Variants in B3GLCT observed in about 807,000 individuals in gnomAD.
The protein encoded by B3GLCT is beta 3-glucosyltransferase.
In B3GLCT, 65 loss-of-function variants were observed where a neutral mutation model predicts 63.4. The ratio of observed to expected loss-of-function variants is 1.03; its 90% CI spans 0.84 to 1.26. B3GLCT has a LOEUF of 1.26. Ranked by LOEUF, B3GLCT falls within the 50% of genes most tolerant of loss-of-function variation. The pLI is 0.00. For synonymous variants in B3GLCT, 233 were observed against 219.2 expected (o/e 1.06, Z -0.55); for missense variants, 577 against 604.8 (o/e 0.95, Z 0.48).
At chr13:31,214,006 A>G (rs2137744553) in intron 1 of B3GLCT, among the ~76,000 whole-genome samples, 1 of 150,114 alleles carries the variant, frequency 6.7e-6, no homozygotes, top group South Asian at 2.1e-4. Context: ...ATGTTAATGC[A>G]GGATTTGAGG....
At chr13:31,218,930 CTTT>C (rs34965262) in intron 2 of B3GLCT, among the ~76,000 whole-genome samples, 2 of 144,274 alleles carry the variant, frequency 1.4e-5, no homozygotes, top group African/African-American at 2.6e-5. Flanking sequence ...ATCAGAAGCC[CTTT>C]TTTTTTTTTT....
intron 4 of B3GLCT, among the ~76,000 whole-genome samples, chr13:31,244,514 G>A (rs1009902514): frequency 3.3e-5 from 5 of 151,996 alleles, no homozygotes; most frequent in African/African-American, 1.2e-4. Flanking sequence ...ATAAAAACTT[G>A]CTTTGAATCT....
intron 4 of B3GLCT, among the ~76,000 whole-genome samples, chr13:31,240,701 A>G (rs1368953096): frequency 1.3e-5 from 2 of 152,144 alleles, no homozygotes; most frequent in Non-Finnish European, 2.9e-5. Flanking sequence ...TTGATGCTGT[A>G]TATCATTAAA....
intron 12 of B3GLCT, among the ~76,000 whole-genome samples, chr13:31,290,050 A>G (rs774494540): frequency 1.3e-5 from 2 of 151,988 alleles, no homozygotes; most frequent in African/African-American, 2.4e-5. Flanking sequence ...CTGGTGTGTG[A>G]TGTTCCCCTC....
intron 6 of B3GLCT, among the ~76,000 whole-genome samples, chr13:31,258,639 A>G (rs1566066910): frequency 6.6e-6 from 1 of 152,036 alleles, no homozygotes; most frequent in Non-Finnish European, 1.5e-5. Flanking sequence ...TCAACTGTAT[A>G]TCTTGTTTCT....
chr13:31,287,377 A>G (rs1288554024), intron 12 of B3GLCT, among the ~76,000 whole-genome samples: 1 of 152,198 alleles, frequency 6.6e-6, no homozygotes, highest in Non-Finnish European at 1.5e-5. Flanking sequence ...CCTGGGCTGG[A>G]AAACCCCTGT....
intron 1 of B3GLCT, among the ~76,000 whole-genome samples, chr13:31,210,869 C>T (rs1160142028): frequency 1.3e-5 from 2 of 152,060 alleles, no homozygotes; most frequent in African/African-American, 4.8e-5. Context: ...CTCAGCCTCC[C>T]AAGTAGCTGG....
At chr13:31,237,848 A>G (rs1870736152) in intron 4 of B3GLCT, among the ~76,000 whole-genome samples, 1 of 152,082 alleles carries the variant, frequency 6.6e-6, no homozygotes, top group Admixed American at 6.5e-5. Flanking sequence ...CCTGTAAGGG[A>G]CGGGATGTCT....
At chr13:31,256,326 G>A (rs776269423) in intron 6 of B3GLCT, among the ~76,000 whole-genome samples, 2 of 152,186 alleles carry the variant, frequency 1.3e-5, no homozygotes, top group East Asian at 1.9e-4. Context: ...TTACACTGTT[G>A]GTGGGAGTGT....
chr13:31,283,604 T>TA lies in B3GLCT; in HGVS notation c.851-1035dup, dbSNP rs1555252633. 4.2e-3 allele frequency among the ~76,000 whole-genome samples: 635 copies of TA among 150,688 alleles called. 2 individuals carry two copies. The highest frequency in any genetic ancestry group is 0.012 in the African/African-American group (480 of 41,202). ...GCAGATGTGCAGAACTCAGTTTTTT[T>TA]AAAAAAAAAGCCAGTGAAAGAGATT... On this transcript the variant is annotated intron_variant, in intron 10 of 14. Transcript: ENST00000343307.
chr13:31,278,919 C>A (rs1477259577), intron 10 of B3GLCT, among the ~76,000 whole-genome samples: 1 of 152,172 alleles, frequency 6.6e-6, no homozygotes, highest in Non-Finnish European at 1.5e-5. Flanking sequence ...TGGAATGATA[C>A]ACAACTGGCT....
At chr13:31,282,669 A>G (rs1873134380) in intron 10 of B3GLCT, among the ~76,000 whole-genome samples, 1 of 146,200 alleles carries the variant, frequency 6.8e-6, no homozygotes, top group African/African-American at 2.5e-5. Context: ...AAAAAAAATG[A>G]CAGATGCATG....
At chr13:31,317,877 C>T (rs1431184632) in intron 13 of B3GLCT, among the ~76,000 whole-genome samples, 192 bp downstream of exon 13, 1 of 104,776 alleles carries the variant, frequency 9.5e-6, no homozygotes, top group Non-Finnish European at 2.1e-5. Context: ...TATTTTAGCC[C>T]TTGAAGAAAT....
intron 4 of B3GLCT, among the ~76,000 whole-genome samples, chr13:31,244,297 G>C (rs886390529): frequency 5.3e-5 from 8 of 152,170 alleles, no homozygotes; most frequent in Non-Finnish European, 1.0e-4. Flanking sequence ...TTCGAGACCA[G>C]CCTGGCCAAC....
intron 12 of B3GLCT, among the ~76,000 whole-genome samples, chr13:31,301,895 T>C (rs191872174): frequency 6.6e-6 from 1 of 152,308 alleles, no homozygotes; most frequent in African/African-American, 2.4e-5. Context: ...AATTTCTACT[T>C]TATTCATTCC....
chr13:31,229,249 G>A lies in B3GLCT; in HGVS notation c.225G>A (p.Glu75=), dbSNP rs752822517. 2.5e-6 allele frequency: 4 copies of A among 1,613,708 alleles called. No homozygotes were observed. The South Asian group carries it at 3.3e-5, about 13-fold the overall frequency. ...ATTCTTTTCATGCAAAGAGAGCAGA[G>A]CAGTTAAAAAAAAGCATCTTAAAGC... is the stretch of plus-strand genomic sequence containing the variant. ...QSNSFHAKRA[E]QLKKSILKQA... is the part of the protein sequence containing the mutation. The change falls in exon 4 of 15, where the codon GAG becomes GAA. Residue 75 remains glutamate, a synonymous_variant. Coordinates refer to ENST00000343307, the MANE Select transcript of B3GLCT (RefSeq NM_194318.4).
intron 3 of B3GLCT, among the ~76,000 whole-genome samples, chr13:31,223,534 C>A (rs1869935054): frequency 6.6e-6 from 1 of 152,214 alleles, no homozygotes; most frequent in Non-Finnish European, 1.5e-5. Flanking sequence ...ATACTTCTAT[C>A]ATTGCCCATT....
Position 31,317,480 on chromosome 13 carries a change from A to G in B3GLCT, c.1065-86A>G, listed in dbSNP as rs113379597. On this transcript the variant is annotated intron_variant, in intron 12 of 14. Transcript: ENST00000343307. The stretch of plus-strand genomic sequence containing the variant: ...ATTTCAGTTTAGTATTACACAGTAT[A>G]CAGAGTGGGATGTAAGAACCATAAA... 1,260 of 1,477,978 alleles carry G rather than the reference A, an allele frequency of 8.5e-4. 9 individuals carry two copies. The African/African-American group carries it at 0.015, about 18-fold the overall frequency. The allele number at this position is 1,477,978 out of a possible 1,614,324, so 91.6% of individuals were successfully genotyped here.
chr13:31,293,758 C>G (rs1873798344), intron 12 of B3GLCT, among the ~76,000 whole-genome samples: 1 of 152,122 alleles, frequency 6.6e-6, no homozygotes, highest in African/African-American at 2.4e-5. Flanking sequence ...ACTCTTTTAT[C>G]CAATTTGCCA....
Sources: allele counts gnomAD v4.1 joint callset (sites outside exome capture counted in the v4.1 genomes callset), GRCh38; gene constraint gnomAD v4.1.1; transcripts MANE v1.5; gene names NCBI Gene and HGNC (gene_info 2026-07-23, HGNC 2026-07-21).